The following CNTNAP2 variants were observed in gnomAD, a reference collection of about 807,000 sequenced individuals.
CNTNAP2 encodes contactin associated protein 2.
CNTNAP2 carries 98 observed loss-of-function variants against 155.2 expected under a neutral mutation model. That is an observed-to-expected ratio of 0.63 (90% CI 0.54 to 0.75). The LOEUF is 0.75. Ranked by LOEUF, CNTNAP2 falls within the 30% of genes least tolerant of loss-of-function variation. The pLI, the probability that CNTNAP2 is intolerant of heterozygous loss-of-function variation, is 0.00. For synonymous variants in CNTNAP2, 651 were observed against 631.2 expected (o/e 1.03, Z -0.47); for missense variants, 1,727 against 1,688.1 (o/e 1.02, Z -0.40).
intron 10 of CNTNAP2, among the ~76,000 whole-genome samples, chr7:147,470,153 G>A (rs1429035689): frequency 2.0e-5 from 3 of 152,194 alleles, no homozygotes; most frequent in Admixed American, 6.5e-5. Context: ...TAAAGGATCA[G>A]CCTGGTTGCT....
At chr7:146,952,943 C>T (rs967100195) in intron 3 of CNTNAP2, among the ~76,000 whole-genome samples, 1 of 151,974 alleles carries the variant, frequency 6.6e-6, no homozygotes, top group African/African-American at 2.4e-5. Flanking sequence ...GAAATGCAAG[C>T]ACATGTTTAT....
chr7:147,580,564 G>C, intron 12 of CNTNAP2, among the ~76,000 whole-genome samples: 1 of 74,990 alleles, frequency 1.3e-5, no homozygotes, highest in South Asian at 3.6e-4. Context: ...ACCTTGTATT[G>C]CTGTCTATTT....
At chr7:146,377,511 C>G (rs927426032) in intron 1 of CNTNAP2, among the ~76,000 whole-genome samples, 2 of 152,116 alleles carry the variant, frequency 1.3e-5, no homozygotes, top group African/African-American at 4.8e-5. Context: ...GGTCATATAT[C>G]CAACTGCATG....
chr7:147,746,983 G>A (rs1015488477), intron 13 of CNTNAP2, among the ~76,000 whole-genome samples: 14 of 152,126 alleles, frequency 9.2e-5, no homozygotes, highest in African/African-American at 3.1e-4. Context: ...GAGATATAAA[G>A]GTATGCAAGT....
At chr7:147,112,704 A>G (rs1013713536) in intron 5 of CNTNAP2, among the ~76,000 whole-genome samples, 2 of 152,184 alleles carry the variant, frequency 1.3e-5, no homozygotes, top group African/African-American at 4.8e-5. Flanking sequence ...CCAACCCTAC[A>G]TCTCAGGGAT....
intron 14 of CNTNAP2, among the ~76,000 whole-genome samples, chr7:147,944,721 G>A (rs1296119185): frequency 6.6e-6 from 1 of 152,102 alleles, no homozygotes; most frequent in African/African-American, 2.4e-5. Context: ...TTTGTAATAG[G>A]CCAGAACACT....
intron 1 of CNTNAP2, among the ~76,000 whole-genome samples, chr7:146,656,277 A>G (rs1494454): frequency 6.6e-6 from 1 of 152,170 alleles, no homozygotes; most frequent in Non-Finnish European, 1.5e-5. Flanking sequence ...AAACAATTTC[A>G]CCTGGCAAAG....
At chr7:148,332,359 T>C (rs58054948) in intron 21 of CNTNAP2, among the ~76,000 whole-genome samples, 59,906 of 151,924 alleles carry the variant, frequency 0.39, 12,246 homozygotes, top group East Asian at 0.53. Flanking sequence ...CTTAGGATAA[T>C]AGGATATGAT....
At chr7:146,462,618 T>C (rs916332026) in intron 1 of CNTNAP2, among the ~76,000 whole-genome samples, 2 of 152,204 alleles carry the variant, frequency 1.3e-5, no homozygotes, top group Non-Finnish European at 2.9e-5. Flanking sequence ...ATATCTCTTA[T>C]CAAAGCCAGA....
intron 12 of CNTNAP2, among the ~76,000 whole-genome samples, chr7:147,617,669 G>A (rs891836041): frequency 1.3e-5 from 2 of 152,062 alleles, no homozygotes; most frequent in Non-Finnish European, 2.9e-5. Context: ...GGTAAAAACA[G>A]CACGCAACCC....
chr7:147,640,672 C>A (rs2116926515), intron 13 of CNTNAP2, among the ~76,000 whole-genome samples: 1 of 152,100 alleles, frequency 6.6e-6, no homozygotes, highest in Admixed American at 6.5e-5. Flanking sequence ...TCACGCAGAA[C>A]TGGATAAAAC....
chr7:147,982,190 T>C (rs538045376), intron 15 of CNTNAP2, among the ~76,000 whole-genome samples: 3 of 152,362 alleles, frequency 2.0e-5, no homozygotes, highest in Admixed American at 6.5e-5. Flanking sequence ...TAGTATTTGC[T>C]AGACAATTGC....
chr7:148,106,493 G>GATAGATAGATAGATAGATATATAT (rs1490418389), intron 15 of CNTNAP2, among the ~76,000 whole-genome samples: 12 of 124,924 alleles, frequency 9.6e-5, no homozygotes, highest in African/African-American at 4.1e-4. Flanking sequence ...CACACTTTGA[G>GATAGATAGATAGATAGATATATAT]ATATATATAT....
intron 9 of CNTNAP2, among the ~76,000 whole-genome samples, chr7:147,301,564 A>G (rs1244327983): frequency 3.3e-5 from 5 of 150,376 alleles, no homozygotes; most frequent in Admixed American, 1.3e-4. Flanking sequence ...TTAAATATAT[A>G]GTTATATAGC....
chr7:148,148,854 G>C (rs544639589), intron 17 of CNTNAP2, among the ~76,000 whole-genome samples: 1 of 152,354 alleles, frequency 6.6e-6, no homozygotes, highest in East Asian at 1.9e-4. Context: ...ATCAGCTGGG[G>C]CTATAAAAGA....
rs763650803 is a variant in CNTNAP2, at chr7:148,415,536, A to C, written c.3916A>C (p.Ser1306Arg). Residue 1306 changes from serine to arginine, a missense_variant, in exon 24 of 24, where the codon AGC (serine) becomes CGC (arginine). Physicochemically the swap from Ser to Arg is moderately radical, Grantham distance 110. Transcript: ENST00000361727. ...NEAKGAESAE[S>R]ADAAIMNNDP... ...AGCAAAGGGGGCGGAGTCGGCAGAG[A>C]GCGCGGACGCCGCCATCATGAACAA... 8 of 1,614,238 alleles carry C rather than the reference A, an allele frequency of 5.0e-6. No homozygotes were observed. The highest frequency in any genetic ancestry group is 1.1e-5 in the South Asian group (1 of 91,090).
Position 147,493,557 on chromosome 7 carries a change from T to A in CNTNAP2, c.1777+7516T>A, listed in dbSNP as rs190546161. Among the ~76,000 whole-genome samples the A allele has an allele frequency of 7.9e-5, 12 of 152,212 alleles. No homozygotes were observed. The East Asian group carries it at 2.1e-3, about 27-fold the overall frequency. ...TCCATACATGGAATAGATACTGGAG[T>A]GTGAAGTAGAGAGGGCAGGAATACT... On this transcript the variant is annotated intron_variant, in intron 11 of 23. Coordinates refer to ENST00000361727, the MANE Select transcript of CNTNAP2 (RefSeq NM_014141.6).
chr7:146,393,306 T>A (rs1295729993), intron 1 of CNTNAP2, among the ~76,000 whole-genome samples: 1 of 152,184 alleles, frequency 6.6e-6, no homozygotes, highest in Non-Finnish European at 1.5e-5. Flanking sequence ...TGAAAGTGTA[T>A]TAGGTATGAC....
chr7:147,302,899 C>G (rs1056489077), intron 9 of CNTNAP2, among the ~76,000 whole-genome samples: 1 of 152,250 alleles, frequency 6.6e-6, no homozygotes, highest in Non-Finnish European at 1.5e-5. Flanking sequence ...AAGCACAGCA[C>G]TGTTCATAAA....
Sources: allele counts gnomAD v4.1 joint callset (sites outside exome capture counted in the v4.1 genomes callset), GRCh38; gene constraint gnomAD v4.1.1; transcripts MANE v1.5; gene names NCBI Gene and HGNC (gene_info 2026-07-23, HGNC 2026-07-21).